Variants in PGK2 observed in about 807,000 individuals in gnomAD.
The protein encoded by PGK2 is phosphoglycerate kinase 2.
A neutral mutation model predicts 5.2 loss-of-function variants in PGK2; 5 were observed. That is an observed-to-expected ratio of 0.96 (90% confidence interval 0.50 to 2.01). PGK2 has a LOEUF of 2.01. PGK2 is among the 30% of genes most tolerant of loss of function. The probability of loss-of-function intolerance (pLI) is 0.01; values close to 1 mark genes in which losing one functional copy is unlikely to be tolerated. For synonymous variants in PGK2, 210 were observed against 182.6 expected, an observed-to-expected ratio of 1.15 and a Z score of -1.21; for missense variants, 588 against 506.8, an observed-to-expected ratio of 1.16 and a Z score of -1.54.
Position 49,787,281 on chromosome 6 carries a change from C to A in PGK2, c.-94G>T. On this transcript the variant is annotated 5_prime_UTR_variant, in exon 1 of 1. Transcript: ENST00000304801. ...GCTGGGTCGGTGGTGACTTCTAACG[C>A]CTTTGCCCTTGTCCCGCCCCTTTCT... is the stretch of plus-strand genomic sequence containing the variant. 1.2e-6 allele frequency: 1 copy of A among 835,730 alleles called. No individual in the cohort carries two copies. Among genetic ancestry groups the A allele is most frequent in the South Asian group, 1.6e-5 (1 of 61,940 alleles). 51.8% of individuals were successfully genotyped at this position (835,730 alleles called of 1,614,324 possible).
chr6:49,786,333 A>G lies in PGK2; in HGVS notation c.855T>C (p.Asp285=), dbSNP rs757434404. 84 of 1,614,072 alleles carry G rather than the reference A, an allele frequency of 5.2e-5. No individual in the cohort carries two copies. The South Asian group carries it at 5.6e-4, about 11-fold the overall frequency. The change falls in exon 1 of 1, where the codon GAT becomes GAC. Residue 285 remains aspartate (D), a synonymous_variant. Coordinates refer to ENST00000304801, the MANE Select transcript of PGK2 (RefSeq NM_138733.5). ...CGTCAAACTTGTCCCCAGTAACAAA[A>G]TCAACAGGAAAAGTAATCCTTACAC... is the stretch of plus-strand genomic sequence containing the variant. ...KNGVRITFPV[D]FVTGDKFDEN... is the part of the protein sequence containing the mutation.
In PGK2 at chr6:49,786,466, G is replaced by C; in HGVS notation, c.722C>G (p.Ala241Gly). 1 of 1,614,082 alleles carries C rather than the reference G, an allele frequency of 6.2e-7. No individual in the cohort carries two copies. The change falls in exon 1 of 1, where the codon GCT becomes GGT. Residue 241 changes from alanine (A) to glycine (G), a missense_variant. Coordinates refer to ENST00000304801, the MANE Select transcript of PGK2 (RefSeq NM_138733.5). ...VNEMIIGGGM[A>G]YTFLKVLNNM... Reference sequence around the variant, plus strand: ...GTTGAGTACCTTAAGGAAGGTATAAGCCATTCCACCACCAATAATCATCTC... The same window carrying C: ...GTTGAGTACCTTAAGGAAGGTATAACCCATTCCACCACCAATAATCATCTC...
In PGK2 at chr6:49,786,345, A is replaced by G. The variant is rs779256225; in HGVS notation, c.843T>C (p.Thr281=). 1.2e-6 allele frequency: 2 copies of G among 1,614,050 alleles called. No homozygotes were observed. Among genetic ancestry groups the G allele is most frequent in the African/African-American group, 2.7e-5 (2 of 74,938 alleles). ...CCCCAGTAACAAAATCAACAGGAAA[A>G]GTAATCCTTACACCATTCTTTTGTG... ...AKAQKNGVRI[T]FPVDFVTGDK... is the part of the protein sequence containing the mutation. The change falls in exon 1 of 1, where the codon ACT becomes ACC. Residue 281 remains threonine (T), a synonymous_variant. Transcript: ENST00000304801.
In PGK2 at chr6:49,785,994, G is replaced by A. The variant is rs542531069; in HGVS notation, c.1194C>T (p.Ala398=). Residue 398 remains alanine (A), a synonymous_variant, in exon 1 of 1, where the codon GCC becomes GCT. Coordinates refer to ENST00000304801, the MANE Select transcript of PGK2 (RefSeq NM_138733.5). ...TTTTACCTTCCAGAAGCTCTAGACT[G>A]GCACCGCCTCCAGTGCTGACATGGC... ...KVSHVSTGGG[A]SLELLEGKIL... The A allele has an allele frequency of 9.7e-5, 156 of 1,614,056 alleles. 1 individual carries two copies. In the South Asian group the frequency reaches 1.6e-3, roughly 17 times the overall value.
rs201489674 is a variant in PGK2 at position 49,787,066 on chromosome 6, T to C, written c.122A>G (p.Lys41Arg). ...KNQITNNQRI[K>R]ASIPSIKYCL... ...GTACTTGATGCTTGGGATGGAAGCC[T>C]TGATCCTCTGGTTGTTTGTAATCTG... Residue 41 changes from lysine (K) to arginine (R), a missense_variant, in exon 1 of 1, where the codon AAG becomes AGG. Transcript: ENST00000304801. The C allele has an allele frequency of 1.5e-5, 24 of 1,614,108 alleles. No homozygotes were observed. In the Admixed American group the frequency reaches 3.7e-4, roughly 25 times the overall value.
At position 49,785,898 on chromosome 6, in the gene PGK2, A is replaced by G. The variant is rs1769896048; in HGVS notation, c.*36T>C. ...AAAGCATTAAGCTGACTTAAGGGCC[A>G]TGGACAGAAAACAGAAGGAAGTAAC... On this transcript the variant is annotated 3_prime_UTR_variant, in exon 1 of 1. Transcript: ENST00000304801. The G allele has an allele frequency of 1.9e-6, 3 of 1,562,690 alleles. No individual in the cohort carries two copies. The highest frequency in any genetic ancestry group is 2.7e-5 in the African/African-American group (2 of 73,758).
chr6:49,786,421 G>C lies in PGK2; in HGVS notation c.767C>G (p.Ser256Cys). 6.2e-7 allele frequency: 1 copy of C among 1,614,088 alleles called. No homozygotes were observed. The highest frequency in any genetic ancestry group is 8.5e-7 in the Non-Finnish European group (1 of 1,179,992). The change falls in exon 1 of 1, where the codon TCC becomes TGC. Residue 256 changes from serine to cysteine, a missense_variant. Ser to Cys is a moderately radical substitution (Grantham distance 112). Coordinates refer to ENST00000304801, the MANE Select transcript of PGK2 (RefSeq NM_138733.5). ...CTTGGCTCCCTCTTCATCAAACAGGGAAGCACCAATCTCCATGTTGTTGAG... is the reference window on the plus strand; with the variant it reads ...CTTGGCTCCCTCTTCATCAAACAGGCAAGCACCAATCTCCATGTTGTTGAG... ...KVLNNMEIGA[S>C]LFDEEGAKIV... is the part of the protein sequence containing the mutation.
chr6:49,785,866 A>C lies in PGK2; in HGVS notation c.*68T>G. On this transcript the variant is annotated 3_prime_UTR_variant, in exon 1 of 1. Coordinates refer to ENST00000304801, the MANE Select transcript of PGK2 (RefSeq NM_138733.5). ...GTAGATTTTAACAAAAGTCACATCG[A>C]GATGTAAAAGCATTAAGCTGACTTA... The C allele has an allele frequency of 1.6e-6, 2 of 1,274,930 alleles. No individual in the cohort carries two copies. The highest frequency in any genetic ancestry group is 2.2e-6 in the Non-Finnish European group (2 of 899,236). 79.0% of individuals were successfully genotyped at this position (1,274,930 alleles called of 1,614,324 possible). A position where few individuals can be genotyped will look rare whatever the true frequency, so the allele number is the denominator to read the frequency against.
In PGK2 at chr6:49,785,857, G is replaced by A. The variant is rs1216924481; in HGVS notation, c.*77C>T. 1 of 1,211,378 alleles carries A rather than the reference G, an allele frequency of 8.3e-7. No homozygotes were observed. Among genetic ancestry groups the A allele is most frequent in the East Asian group, 2.3e-5 (1 of 42,722 alleles). The allele number at this position is 1,211,378 out of a possible 1,614,324, so 75.0% of individuals were successfully genotyped here. A position where few individuals can be genotyped will look rare whatever the true frequency, so the allele number is the denominator to read the frequency against. On this transcript the variant is annotated 3_prime_UTR_variant, in exon 1 of 1. Transcript: ENST00000304801. Reference sequence around the variant, plus strand: ...GATCTAGGAGTAGATTTTAACAAAAGTCACATCGAGATGTAAAAGCATTAA... The same window carrying A: ...GATCTAGGAGTAGATTTTAACAAAAATCACATCGAGATGTAAAAGCATTAA...
chr6:49,786,865 C>T lies in PGK2; in HGVS notation c.323G>A (p.Cys108Tyr), dbSNP rs1323487716. 2 of 1,614,134 alleles carry T rather than the reference C, an allele frequency of 1.2e-6. No homozygotes were observed. Among genetic ancestry groups the T allele is most frequent in the Admixed American group, 3.3e-5 (2 of 60,016 alleles). Residue 108 changes from cysteine to tyrosine, a missense_variant, in exon 1 of 1, where the codon TGT becomes TAT. Transcript: ENST00000304801. Reference protein sequence around the residue: ...DCVGAEVEKACANPAPGSVIL... With the variant: ...DCVGAEVEKAYANPAPGSVIL... ...GACTGAACCAGGAGCTGGGTTGGCA[C>T]AGGCTTTCTCCACTTCTGCGCCTAC... is the stretch of plus-strand genomic sequence containing the variant.
Position 49,785,927 on chromosome 6 carries a change from A to C in PGK2, c.*7T>G. ...ACAGAAAACAGAAGGAAGTAACACT[A>C]TATTAACTACATGTTGCTGAGGGCC... On this transcript the variant is annotated 3_prime_UTR_variant, in exon 1 of 1. Transcript: ENST00000304801. 1 of 1,610,990 alleles carries C rather than the reference A, an allele frequency of 6.2e-7. No homozygotes were observed. The highest frequency in any genetic ancestry group is 1.3e-5 in the African/African-American group (1 of 75,008).
rs1171272269 is a variant in PGK2 at position 49,785,895 on chromosome 6, G to A, written c.*39C>T. ...GTAAAAGCATTAAGCTGACTTAAGG[G>A]CCATGGACAGAAAACAGAAGGAAGT... is the stretch of plus-strand genomic sequence containing the variant. On this transcript the variant is annotated 3_prime_UTR_variant, in exon 1 of 1. Transcript: ENST00000304801. 3 of 1,533,458 alleles carry A rather than the reference G, an allele frequency of 2.0e-6. No individual in the cohort carries two copies. Among genetic ancestry groups the A allele is most frequent in the Non-Finnish European group, 2.7e-6 (3 of 1,113,542 alleles). The allele number at this position is 1,533,458 out of a possible 1,614,324, so 95.0% of individuals were successfully genotyped here.
chr6:49,786,222 C>G lies in PGK2; in HGVS notation c.966G>C (p.Lys322Asn), dbSNP rs1175694147. ...CTTGAGCCACAACTTGAGCATGATTCTTGTTGCTCTCAGGACCACAGTCCA... is the reference window on the plus strand; with the variant it reads ...CTTGAGCCACAACTTGAGCATGATTGTTGTTGCTCTCAGGACCACAGTCCA... ...MGLDCGPESN[K>N]NHAQVVAQAR... Residue 322 changes from lysine to asparagine, a missense_variant, in exon 1 of 1, where the codon AAG becomes AAC. Transcript: ENST00000304801. The G allele has an allele frequency of 6.2e-7, 1 of 1,614,038 alleles. No homozygotes were observed. Among genetic ancestry groups the G allele is most frequent in the Non-Finnish European group, 8.5e-7 (1 of 1,180,040 alleles).
In PGK2 at chr6:49,786,401, C is replaced by G; in HGVS notation, c.787G>C (p.Ala263Pro). The G allele has an allele frequency of 6.2e-7, 1 of 1,614,120 alleles. No homozygotes were observed. Among genetic ancestry groups the G allele is most frequent in the Non-Finnish European group, 8.5e-7 (1 of 1,179,992 alleles). ...IGASLFDEEGAKIVKDIMAKA... is the reference protein window; with the variant it reads ...IGASLFDEEGPKIVKDIMAKA... ...GCCATGATATCTTTAACGATCTTGG[C>G]TCCCTCTTCATCAAACAGGGAAGCA... is the stretch of plus-strand genomic sequence containing the variant. Residue 263 changes from alanine (A) to proline (P), a missense_variant, in exon 1 of 1, where the codon GCC becomes CCC. Transcript: ENST00000304801.
Position 49,785,776 on chromosome 6 carries a change from C to G in PGK2, c.*158G>C. Reference sequence around the variant, plus strand: ...TGCGTGACCAAACTAAAATGAATTGCTGTGCTGATATTAAGAGTTCCTGAT... The same window carrying G: ...TGCGTGACCAAACTAAAATGAATTGGTGTGCTGATATTAAGAGTTCCTGAT... On this transcript the variant is annotated 3_prime_UTR_variant, in exon 1 of 1. Transcript: ENST00000304801. 1.6e-6 allele frequency: 1 copy of G among 619,686 alleles called. No individual in the cohort carries two copies. 38.4% of individuals were successfully genotyped at this position (619,686 alleles called of 1,614,324 possible). A position where few individuals can be genotyped will look rare whatever the true frequency, so the allele number is the denominator to read the frequency against.
In PGK2 at chr6:49,786,469, A is replaced by G. The variant is rs780445495; in HGVS notation, c.719T>C (p.Met240Thr). ...GAGTACCTTAAGGAAGGTATAAGCCATTCCACCACCAATAATCATCTCATT... is the reference window on the plus strand; with the variant it reads ...GAGTACCTTAAGGAAGGTATAAGCCGTTCCACCACCAATAATCATCTCATT... ...KVNEMIIGGGMAYTFLKVLNN... is the reference protein window; with the variant it reads ...KVNEMIIGGGTAYTFLKVLNN... The change falls in exon 1 of 1, where the codon ATG (methionine) becomes ACG (threonine). Residue 240 changes from methionine to threonine, a missense_variant. Met to Thr is a moderately conservative substitution (Grantham distance 81, BLOSUM62 -1). Coordinates refer to ENST00000304801, the MANE Select transcript of PGK2 (RefSeq NM_138733.5). 1.9e-6 allele frequency: 3 copies of G among 1,614,174 alleles called. No individual in the cohort carries two copies. The highest frequency in any genetic ancestry group is 2.5e-6 in the Non-Finnish European group (3 of 1,180,002).
chr6:49,786,984 A>G lies in PGK2; in HGVS notation c.204T>C (p.Asp68=), dbSNP rs1769922882. ...VVLMSHLGRP[D]GVPMPDKYSL... Reference sequence around the variant, plus strand: ...AATATTTGTCAGGCATGGGAACACCATCAGGCCGACCTAGATGACTCATAA... The same window carrying G: ...AATATTTGTCAGGCATGGGAACACCGTCAGGCCGACCTAGATGACTCATAA... The change falls in exon 1 of 1, where the codon GAT becomes GAC. Residue 68 remains aspartate, a synonymous_variant. Transcript: ENST00000304801. 2 of 1,614,098 alleles carry G rather than the reference A, an allele frequency of 1.2e-6. No homozygotes were observed. The highest frequency in any genetic ancestry group is 1.7e-6 in the Non-Finnish European group (2 of 1,179,992).
chr6:49,786,007 G>A lies in PGK2; in HGVS notation c.1181C>T (p.Thr394Ile). Residue 394 changes from threonine to isoleucine, a missense_variant, in exon 1 of 1, where the codon ACT becomes ATT. Transcript: ENST00000304801. ...NTEDKVSHVS[T>I]GGGASLELLE... ...AAGCTCTAGACTGGCACCGCCTCCA[G>A]TGCTGACATGGCTGACTTTATCTTC... 6.2e-7 allele frequency: 1 copy of A among 1,614,156 alleles called. No homozygotes were observed. The highest frequency in any genetic ancestry group is 8.5e-7 in the Non-Finnish European group (1 of 1,180,000).
At position 49,787,024 on chromosome 6, in the gene PGK2, G is replaced by T; in HGVS notation, c.164C>A (p.Ala55Asp). 1 of 1,614,008 alleles carries T rather than the reference G, an allele frequency of 6.2e-7. No homozygotes were observed. Among genetic ancestry groups the T allele is most frequent in the Non-Finnish European group, 8.5e-7 (1 of 1,179,956 alleles). The change falls in exon 1 of 1, where the codon GCC becomes GAC. Residue 55 changes from alanine to aspartate, a missense_variant. Physicochemically the swap from Ala to Asp is moderately radical, Grantham distance 126. Transcript: ENST00000304801. Reference sequence around the variant, plus strand: ...ATGACTCATAAGAACTACTGCCTTGGCTCCATTGTCCAGGCAGTACTTGAT... The same window carrying T: ...ATGACTCATAAGAACTACTGCCTTGTCTCCATTGTCCAGGCAGTACTTGAT... ...PSIKYCLDNG[A>D]KAVVLMSHLG...
Sources: gnomAD v4.1 joint callset for allele counts on GRCh38, gnomAD v4.1.1 for gene constraint, MANE v1.5 for transcripts, NCBI Gene and HGNC (gene_info 2026-07-23, HGNC 2026-07-21) for gene names.